ANKHD1: variants seen among roughly 807,000 people sequenced by gnomAD.
ANKHD1 encodes ankyrin repeat and KH domain containing 1.
ANKHD1 carries 31 observed loss-of-function variants against 230.5 expected under a neutral mutation model. The observed-to-expected ratio is 0.13, with a 90% CI of 0.10 to 0.18. The LOEUF (loss-of-function observed/expected upper bound fraction) is 0.18. Among genes scored for constraint, ANKHD1 ranks in the 10% least tolerant of loss-of-function variants. The probability of loss-of-function intolerance (pLI) is 1.00; values close to 1 mark genes in which losing one functional copy is unlikely to be tolerated. For synonymous variants in ANKHD1, 1,074 were observed against 1,117.6 expected, an observed-to-expected ratio of 0.96 and a Z score of 0.78; for missense variants, 2,256 against 3,071.3, an observed-to-expected ratio of 0.73 and a Z score of 6.27.
intron 7 of ANKHD1, among the ~76,000 whole-genome samples, chr5:140,457,132 T>C (rs1416254146): frequency 1.3e-5 from 2 of 152,062 alleles, no homozygotes; most frequent in East Asian, 1.9e-4. Context: ...ATCAGAGAAA[T>C]GCAAATCAAA....
At chr5:140,500,263 C>T (rs1022402516) in intron 15 of ANKHD1, among the ~76,000 whole-genome samples, 7 of 152,172 alleles carry the variant, frequency 4.6e-5, no homozygotes, top group Admixed American at 3.3e-4. Flanking sequence ...GCACCAACTT[C>T]TATGATAAAT....
In ANKHD1 at chr5:140,485,714, T is replaced by C. The variant is rs1169427859; in HGVS notation, c.2124T>C (p.Pro708=). The change falls in exon 13 of 34, where the codon CCT becomes CCC. Residue 708 remains proline, a synonymous_variant. Transcript: ENST00000360839. This position sits in a 1 kb window ranked among gnomAD's most constrained non-coding sequence, Gnocchi z 4.8. ...CAGATGTGTCTCAGCTCCCTCCACC[T>C]TCTCAAGATCAGTCTCAGGTAAAGT... ...PTTDVSQLPP[P]SQDQSQVPRV... is the part of the protein sequence containing the mutation. The C allele has an allele frequency of 1.2e-6, 2 of 1,613,916 alleles. No individual in the cohort carries two copies. Among genetic ancestry groups the C allele is most frequent in the African/African-American group, 1.3e-5 (1 of 74,928 alleles).
At chr5:140,444,288 G>A (rs1774104481) in intron 5 of ANKHD1, among the ~76,000 whole-genome samples, 1 of 152,052 alleles carries the variant, frequency 6.6e-6, no homozygotes, top group African/African-American at 2.4e-5. Flanking sequence ...TGGGAAAATA[G>A]AGATTTCCAG....
In ANKHD1 at chr5:140,498,981, A is replaced by G. The variant is rs62384160; in HGVS notation, c.3004+1703A>G. On this transcript the variant is annotated intron_variant, in intron 15 of 33. Coordinates refer to ENST00000360839, the MANE Select transcript of ANKHD1 (RefSeq NM_017747.3). The stretch of plus-strand genomic sequence containing the variant: ...TTTACAAAGTTTGCATGAAACTTAG[A>G]AAATTGGCTTAGAAATTATCTTTTT... Among the ~76,000 whole-genome samples, 674 of 152,184 alleles carry G rather than the reference A, an allele frequency of 4.4e-3. 4 individuals carry two copies. The highest frequency in any genetic ancestry group is 4.8e-3 in the Non-Finnish European group (326 of 67,942).
At chr5:140,524,737 A>G (rs1753523129) in intron 25 of ANKHD1, among the ~76,000 whole-genome samples, 1 of 152,094 alleles carries the variant, frequency 6.6e-6, no homozygotes, top group South Asian at 2.1e-4. Context: ...TCTAATTCTA[A>G]AATACTATTT....
chr5:140,407,936 G>C (rs1439712160), intron 1 of ANKHD1, among the ~76,000 whole-genome samples: 1 of 152,104 alleles, frequency 6.6e-6, no homozygotes, highest in Middle Eastern at 3.2e-3. Flanking sequence ...CACCACTTTG[G>C]GAGGCCAAAG....
intron 1 of ANKHD1, among the ~76,000 whole-genome samples, chr5:140,422,472 T>G (rs997685865): frequency 3.9e-5 from 6 of 152,114 alleles, no homozygotes; most frequent in Admixed American, 2.0e-4. Context: ...GCCTACTATT[T>G]GTTAAGCTTT....
intron 24 of ANKHD1, among the ~76,000 whole-genome samples, chr5:140,518,353 A>G (rs1178490674): frequency 6.6e-6 from 1 of 152,174 alleles, no homozygotes; most frequent in Admixed American, 6.5e-5. Context: ...GAATTCTACC[A>G]GAGGTACAAG....
Position 140,485,397 on chromosome 5 carries a change from A to AACACACACACAGAC in ANKHD1, c.1998+160_1998+161insGACACACACACACA. On this transcript the variant is annotated intron_variant, in intron 12 of 33. Transcript: ENST00000360839. This position sits in a 1 kb window ranked among gnomAD's most constrained non-coding sequence, Gnocchi z 4.8. The stretch of plus-strand genomic sequence containing the variant: ...CATAAGGAGACCCCATCTCTATTAA[A>AACACACACACAGAC]ACACACACACACACACACACACACA... The AACACACACACAGAC allele has an allele frequency of 1.5e-6, 1 of 664,316 alleles. No individual in the cohort carries two copies. Among genetic ancestry groups the AACACACACACAGAC allele is most frequent in the South Asian group, 2.8e-5 (1 of 35,450 alleles). 41.2% of individuals were successfully genotyped at this position (664,316 alleles called of 1,614,324 possible). A position where few individuals can be genotyped will look rare whatever the true frequency, so the allele number is the denominator to read the frequency against.
chr5:140,463,541 T>C (rs1775868473), intron 9 of ANKHD1, among the ~76,000 whole-genome samples: 1 of 152,210 alleles, frequency 6.6e-6, no homozygotes, highest in Non-Finnish European at 1.5e-5. Flanking sequence ...TGGTCAGGGC[T>C]GGGGAATATA....
In ANKHD1 at chr5:140,445,772, G is replaced by C; in HGVS notation, c.944G>C (p.Gly315Ala). ...GNTALTYACA[G>A]GFVDIVKVLL... ...ACTGCGCTAACTTATGCATGTGCTGGAGGATTTGTTGACATTGTTAAAGTG... is the reference window on the plus strand; with the variant it reads ...ACTGCGCTAACTTATGCATGTGCTGCAGGATTTGTTGACATTGTTAAAGTG... Residue 315 changes from glycine to alanine, a missense_variant, in exon 6 of 34, where the codon GGA becomes GCA. By Grantham distance (60) the Gly-to-Ala change is moderately conservative (BLOSUM62 0). Transcript: ENST00000360839. The C allele has an allele frequency of 6.2e-7, 1 of 1,608,326 alleles. No individual in the cohort carries two copies. The highest frequency in any genetic ancestry group is 1.1e-5 in the South Asian group (1 of 90,002).
intron 15 of ANKHD1, among the ~76,000 whole-genome samples, chr5:140,502,009 C>T (rs1752327378): frequency 6.7e-6 from 1 of 149,924 alleles, no homozygotes; most frequent in Non-Finnish European, 1.5e-5. Context: ...CAAGACCAGC[C>T]TGAGCAACAC....
Position 140,472,434 on chromosome 5 carries a change from A to C in ANKHD1, c.1782+7658A>C, listed in dbSNP as rs534959454. The stretch of plus-strand genomic sequence containing the variant: ...ACAAAGGAAATCCTCTTCAATTGAA[A>C]AAGATTATGAAGTCCCAATAAAAAG... On this transcript the variant is annotated intron_variant, in intron 10 of 33. Coordinates refer to ENST00000360839, the MANE Select transcript of ANKHD1 (RefSeq NM_017747.3). 2.2e-6 allele frequency: 3 copies of C among 1,383,492 alleles called. No individual in the cohort carries two copies. In the African/African-American group the frequency reaches 4.4e-5, roughly 21 times the overall value. The allele number at this position is 1,383,492 out of a possible 1,614,324, so 85.7% of individuals were successfully genotyped here.
In ANKHD1 at chr5:140,485,310, A is replaced by G; in HGVS notation, c.1998+62A>G. ...GGTGGCTCATGTCTATGATCCCAGC[A>G]CTTTAGAAAGCTGAGGCGGGTGGAT... is the stretch of plus-strand genomic sequence containing the variant. On this transcript the variant is annotated intron_variant, in intron 12 of 33. Coordinates refer to ENST00000360839, the MANE Select transcript of ANKHD1 (RefSeq NM_017747.3). This position sits in a 1 kb window ranked among gnomAD's most constrained non-coding sequence, Gnocchi z 4.8. 1 of 1,541,490 alleles carries G rather than the reference A, an allele frequency of 6.5e-7. No homozygotes were observed.
chr5:140,539,260 T>A, intron 33 of ANKHD1, 99 bp from the exon 34 acceptor site: 1 of 1,587,178 alleles, frequency 6.3e-7, no homozygotes, highest in Non-Finnish European at 8.6e-7. Flanking sequence ...GTATTCTTCC[T>A]AGGCAGAAAC....
intron 1 of ANKHD1, among the ~76,000 whole-genome samples, chr5:140,406,234 T>G (rs1239793633): frequency 6.7e-6 from 1 of 148,408 alleles, no homozygotes; most frequent in Non-Finnish European, 1.5e-5. Flanking sequence ...AGAGACTCTG[T>G]CTCAAAAAAA....
At position 140,508,004 on chromosome 5, in the gene ANKHD1, C is replaced by G; in HGVS notation, c.3765+6C>G. ...ATGTTGAACATAGGGCAAAGGTAAG[C>G]ATTTTTTACTTGTCAACTATTTCAG... On this transcript the variant is annotated splice_donor_region_variant and intron_variant, in intron 20 of 33. Coordinates refer to ENST00000360839, the MANE Select transcript of ANKHD1 (RefSeq NM_017747.3). 2 of 1,603,826 alleles carry G rather than the reference C, an allele frequency of 1.2e-6. No homozygotes were observed. The highest frequency in any genetic ancestry group is 1.7e-6 in the Non-Finnish European group (2 of 1,172,904).
chr5:140,505,114 T>C lies in ANKHD1; in HGVS notation c.3151-8T>C. The C allele has an allele frequency of 3.1e-6, 5 of 1,605,124 alleles. No homozygotes were observed. Among genetic ancestry groups the C allele is most frequent in the Non-Finnish European group, 4.2e-6 (5 of 1,177,828 alleles). On this transcript the variant is annotated splice_region_variant and splice_polypyrimidine_tract_variant and intron_variant, in intron 16 of 33. Coordinates refer to ENST00000360839, the MANE Select transcript of ANKHD1 (RefSeq NM_017747.3). Reference sequence around the variant, plus strand: ...AAAAAATTTTAACTTATTTTTTTCTTCTCCTAGACTGAGAGCAATCATGAC... The same window carrying C: ...AAAAAATTTTAACTTATTTTTTTCTCCTCCTAGACTGAGAGCAATCATGAC...
intron 9 of ANKHD1, among the ~76,000 whole-genome samples, chr5:140,462,233 A>G (rs1405246556): frequency 6.6e-6 from 1 of 152,008 alleles, no homozygotes; most frequent in East Asian, 1.9e-4. Flanking sequence ...TTCAGGAGGT[A>G]ATAAGTATAT....
Sources: gnomAD v4.1 joint callset for allele counts (sites outside exome capture counted in the v4.1 genomes callset) on GRCh38, gnomAD v4.1.1 for gene constraint, Gnocchi (gnomAD v3.1) non-coding constraint, MANE v1.5 for transcripts, NCBI Gene and HGNC (gene_info 2026-07-23, HGNC 2026-07-21) for gene names.